The following MYT1L variants were observed in gnomAD, a reference collection of about 807,000 sequenced individuals.
MYT1L encodes the protein myelin transcription factor 1-like protein.
Under a neutral mutation model 126.7 loss-of-function variants are expected in MYT1L, and 12 were observed. The observed-to-expected ratio is 0.09, with a 90% CI of 0.06 to 0.15. MYT1L has a LOEUF of 0.15. Among genes scored for constraint, MYT1L ranks in the 10% least tolerant of loss-of-function variants. The pLI, the probability that MYT1L is intolerant of heterozygous loss-of-function variation, is 1.00. For synonymous variants in MYT1L, 541 were observed against 604.2 expected, an observed-to-expected ratio of 0.90 and a Z score of 1.53; for missense variants, 979 against 1,585.2, an observed-to-expected ratio of 0.62 and a Z score of 6.49.
intron 2 of MYT1L, among the ~76,000 whole-genome samples, chr2:2,193,741 G>T (rs72769218): frequency 0.21 from 32,655 of 152,044 alleles, 4,475 homozygotes; most frequent in African/African-American, 0.4. Context: ...TGGATAGCTA[G>T]GCAGGACTGA....
Position 1,839,327 on chromosome 2 carries a change from T to G in MYT1L, c.2902A>C (p.Lys968Gln). 1 of 1,613,478 alleles carries G rather than the reference T, an allele frequency of 6.2e-7. No individual in the cohort carries two copies. The highest frequency in any genetic ancestry group is 8.5e-7 in the Non-Finnish European group (1 of 1,179,890). Residue 968 changes from lysine to glutamine, a missense_variant, in exon 21 of 25, where the codon AAG becomes CAG. Physicochemically the swap from Lys to Gln is moderately conservative, Grantham distance 53. This residue lies in a region of MYT1L where 179 missense variants were observed against 398.6 expected (regional missense o/e 0.45). Coordinates refer to ENST00000647738, the MANE Select transcript of MYT1L (RefSeq NM_001303052.2). ...GAGGCGCTGCGATGGGACGCGTACT[T>G]CCCAGTGATGTGGCCCTGGCCGTCG... ...GCDGQGHITG[K>Q]YASHRSASGC... is the part of the protein sequence containing the mutation.
intron 1 of MYT1L, among the ~76,000 whole-genome samples, chr2:2,305,201 T>C (rs1340712364): frequency 6.6e-6 from 1 of 152,172 alleles, no homozygotes; most frequent in Non-Finnish European, 1.5e-5. Context: ...CTCACCACAA[T>C]TGAAGAAAAG....
chr2:2,284,716 G>GT (rs968006233), intron 1 of MYT1L, among the ~76,000 whole-genome samples: 218 of 151,748 alleles, frequency 1.4e-3, no homozygotes, highest in African/African-American at 3.8e-3. Context: ...GTAATTTTTT[G>GT]TTTTTTTTGA....
intron 19 of MYT1L, among the ~76,000 whole-genome samples, chr2:1,843,222 C>T (rs1001300536): frequency 6.6e-6 from 1 of 152,256 alleles, no homozygotes; most frequent in Non-Finnish European, 1.5e-5. Flanking sequence ...CCTCACAGTG[C>T]GGCCGCTGCA....
At chr2:2,015,979 A>T (rs1458304898) in intron 4 of MYT1L, among the ~76,000 whole-genome samples, 1 of 152,210 alleles carries the variant, frequency 6.6e-6, no homozygotes, top group Admixed American at 6.5e-5. Context: ...AGCTTCACAA[A>T]AAGTTAATGA....
intron 8 of MYT1L, among the ~76,000 whole-genome samples, chr2:1,948,021 C>T (rs893631475): frequency 3.3e-5 from 5 of 152,188 alleles, no homozygotes; most frequent in South Asian, 2.1e-4. Context: ...GTTTACCTAT[C>T]GATGTGATAG....
chr2:2,205,362 C>T lies in MYT1L; in HGVS notation c.-420-32374G>A, dbSNP rs539894054. Among the ~76,000 whole-genome samples the T allele has an allele frequency of 6.6e-5, 10 of 152,156 alleles. No individual in the cohort carries two copies. In the South Asian group the frequency reaches 2.1e-3, roughly 32 times the overall value. On this transcript the variant is annotated intron_variant, in intron 2 of 24. Coordinates refer to ENST00000647738, the MANE Select transcript of MYT1L (RefSeq NM_001303052.2). ...TAAATGGTCCTTTATTCATTTTTTA[C>T]TATGTGAACCTTAAACAATTCTTAA...
intron 14 of MYT1L, among the ~76,000 whole-genome samples, chr2:1,896,090 C>T (rs1319148523): frequency 6.6e-6 from 1 of 152,218 alleles, no homozygotes; most frequent in Non-Finnish European, 1.5e-5. Flanking sequence ...TGATAAAATG[C>T]TCAACATCAC....
intron 2 of MYT1L, among the ~76,000 whole-genome samples, chr2:2,268,029 G>A (rs1384374165): frequency 6.6e-6 from 1 of 152,082 alleles, no homozygotes; most frequent in African/African-American, 2.4e-5. Context: ...GATGAGATTC[G>A]GGGGGATAGC....
intron 18 of MYT1L, among the ~76,000 whole-genome samples, chr2:1,871,655 G>A (rs547138414): frequency 7.2e-5 from 11 of 152,284 alleles, no homozygotes; most frequent in East Asian, 3.9e-4. Context: ...GCAGATGCCC[G>A]GCCCAGCTGC....
chr2:1,930,235 C>T (rs900443294), intron 9 of MYT1L, among the ~76,000 whole-genome samples: 2 of 152,212 alleles, frequency 1.3e-5, no homozygotes, highest in East Asian at 1.9e-4. Flanking sequence ...CAATACCTGT[C>T]ACTTGATTGG....
chr2:2,180,708 G>C (rs1204512651), intron 2 of MYT1L, among the ~76,000 whole-genome samples: 2 of 151,426 alleles, frequency 1.3e-5, no homozygotes, highest in Non-Finnish European at 2.9e-5. Context: ...ATGTGCACCT[G>C]TATCTGTACC....
intron 18 of MYT1L, among the ~76,000 whole-genome samples, chr2:1,875,770 C>A (rs2046830513): frequency 6.6e-6 from 1 of 152,142 alleles, no homozygotes; most frequent in South Asian, 2.1e-4. Context: ...CTTTCTTGAC[C>A]TAGTGATGCC....
At chr2:2,103,244 C>G (rs964672477) in intron 3 of MYT1L, among the ~76,000 whole-genome samples, 1 of 152,178 alleles carries the variant, frequency 6.6e-6, no homozygotes, top group African/African-American at 2.4e-5. Context: ...TACATGGGCC[C>G]AAATTTGAAA....
intron 2 of MYT1L, among the ~76,000 whole-genome samples, chr2:2,220,203 G>A (rs748495664): frequency 1.3e-5 from 2 of 152,220 alleles, no homozygotes; most frequent in South Asian, 2.1e-4. Context: ...GAGAACATGT[G>A]CCCAAGGTGG....
chr2:1,793,900 C>T lies in MYT1L; in HGVS notation c.3277-1436G>A, dbSNP rs1268522836. On this transcript the variant is annotated intron_variant, in intron 23 of 24. Transcript: ENST00000647738. The surrounding 1 kb of genome is among the most constrained non-coding windows in gnomAD (Gnocchi z 4.6). ...CGACTCCTGGGTGGGCCTCGAAGGGCTGCGTGCCCGGTGCTTGTCTTCCAG... is the reference window on the plus strand; with the variant it reads ...CGACTCCTGGGTGGGCCTCGAAGGGTTGCGTGCCCGGTGCTTGTCTTCCAG... Among the ~76,000 whole-genome samples the T allele has an allele frequency of 6.6e-6, 1 of 152,190 alleles. No individual in the cohort carries two copies. The highest frequency in any genetic ancestry group is 1.5e-5 in the Non-Finnish European group (1 of 68,036).
intron 2 of MYT1L, among the ~76,000 whole-genome samples, chr2:2,276,631 G>A (rs949909474): frequency 6.6e-6 from 1 of 152,094 alleles, no homozygotes; most frequent in Non-Finnish European, 1.5e-5. Context: ...TGCAACGATG[G>A]TGTTAGCAAC....
intron 3 of MYT1L, among the ~76,000 whole-genome samples, chr2:2,081,729 T>A (rs1227065875): frequency 1.3e-5 from 2 of 151,818 alleles, no homozygotes; most frequent in East Asian, 1.9e-4. Flanking sequence ...GTTTATTTAT[T>A]TATATTTATT....
At chr2:2,327,573 T>G (rs146039338) in intron 1 of MYT1L, among the ~76,000 whole-genome samples, 341 of 152,314 alleles carry the variant, frequency 2.2e-3, no homozygotes, top group African/African-American at 7.6e-3. Flanking sequence ...ATTATAAAAA[T>G]TTACCAAAAC....
Sources: gnomAD v4.1 joint callset for allele counts (sites outside exome capture counted in the v4.1 genomes callset) on GRCh38, gnomAD v4.1.1 for gene constraint, gnomAD v4.1.1 regional missense constraint, Gnocchi (gnomAD v3.1) non-coding constraint, MANE v1.5 for transcripts, NCBI Gene and HGNC (gene_info 2026-07-23, HGNC 2026-07-21) for gene names.